The following VAMP7 variants were observed in gnomAD, a reference collection of about 807,000 sequenced individuals.
VAMP7 encodes vesicle associated membrane protein 7.
A neutral mutation model predicts 29.6 loss-of-function variants in VAMP7; 14 were observed. The ratio of observed to expected loss-of-function variants is 0.47; its 90% CI spans 0.31 to 0.74. VAMP7 has a LOEUF of 0.74. Ranked by LOEUF, VAMP7 falls within the 30% of genes least tolerant of loss-of-function variation. VAMP7 has a pLI of 0.05. For synonymous variants in VAMP7, 95 were observed against 88.1 expected, an observed-to-expected ratio of 1.08 and a Z score of -0.44; for missense variants, 223 against 262.4, an observed-to-expected ratio of 0.85 and a Z score of 1.04.
chrX:155,905,077 C>G (rs1390094712), intron 5 of VAMP7, among the ~76,000 whole-genome samples: 1 of 151,814 alleles, frequency 6.6e-6, no homozygotes, highest in Non-Finnish European at 1.5e-5. Context: ...TCCTCCACAT[C>G]CTTGCCAAAA....
At chrX:155,895,184 A>G (rs1025723012) in intron 2 of VAMP7, among the ~76,000 whole-genome samples, 4 of 152,198 alleles carry the variant, frequency 2.6e-5, no homozygotes, top group African/African-American at 9.6e-5. Context: ...AGCATCCAGC[A>G]CAGTAACTAA....
chrX:155,930,719 T>A (rs187225562), intron 6 of VAMP7, among the ~76,000 whole-genome samples: 2,779 of 151,062 alleles, frequency 0.018, 143 homozygotes, highest in Non-Finnish European at 8.5e-3. Context: ...ATATATATAT[T>A]TTTTATTATA....
chrX:155,935,921 C>G (rs1462506631), intron 6 of VAMP7, among the ~76,000 whole-genome samples: 3 of 152,220 alleles, frequency 2.0e-5, no homozygotes, highest in Admixed American at 6.5e-5. Flanking sequence ...TTCTAACAGT[C>G]AGGACCCTCA....
At chrX:155,941,826 T>A in intron 7 of VAMP7, 57 bp from the exon 8 acceptor site, 9 of 1,548,478 alleles carry the variant, frequency 5.8e-6, no homozygotes, top group Non-Finnish European at 7.9e-6. Flanking sequence ...CTATATATAT[T>A]ATTTAGAATA....
chrX:155,894,584 C>T (rs1222075120), intron 2 of VAMP7, among the ~76,000 whole-genome samples: 6 of 151,856 alleles, frequency 4.0e-5, no homozygotes, highest in Admixed American at 6.6e-5. Flanking sequence ...CTTGCTGCTT[C>T]CTCTCTGGAA....
intron 5 of VAMP7, among the ~76,000 whole-genome samples, chrX:155,916,601 T>A (rs1307644504): frequency 6.6e-6 from 1 of 152,204 alleles, no homozygotes; most frequent in Non-Finnish European, 1.5e-5. Flanking sequence ...ATTTTATTTC[T>A]CCTTCACTTA....
chrX:155,936,118 T>C (rs1437926362), intron 6 of VAMP7, among the ~76,000 whole-genome samples: 3 of 151,958 alleles, frequency 2.0e-5, no homozygotes, highest in Non-Finnish European at 4.4e-5. Context: ...TACTGGGGGG[T>C]ACCTCCCAGT....
chrX:155,881,812 T>C (rs1257435570), intron 1 of VAMP7, among the ~76,000 whole-genome samples: 1 of 152,180 alleles, frequency 6.6e-6, no homozygotes, highest in Non-Finnish European at 1.5e-5. Context: ...GACGTCACTT[T>C]CTGCTTCACC....
rs7064950 is a variant in VAMP7, at chrX:155,937,533, A to G, written c.502-2168A>G. On this transcript the variant is annotated intron_variant, in intron 6 of 7. Coordinates refer to ENST00000286448, the MANE Select transcript of VAMP7 (RefSeq NM_005638.6). ...GAATATCACATTGTATACCTTGAAT[A>G]TATACCATTTTTATTTGCCAATTAT... Among the ~76,000 whole-genome samples the G allele has an allele frequency of 5.1e-4, 78 of 152,322 alleles. 1 individual carries two copies. Among genetic ancestry groups the G allele is most frequent in the African/African-American group, 1.5e-3 (62 of 41,588 alleles).
intron 5 of VAMP7, among the ~76,000 whole-genome samples, chrX:155,912,414 G>A (rs1410195143): frequency 6.6e-5 from 10 of 151,994 alleles, no homozygotes; most frequent in Admixed American, 6.6e-4. Flanking sequence ...AGAATGTGCA[G>A]CTTTGTTACA....
intron 5 of VAMP7, among the ~76,000 whole-genome samples, chrX:155,918,400 G>T (rs757981509): frequency 6.6e-6 from 1 of 152,034 alleles, no homozygotes; most frequent in Non-Finnish European, 1.5e-5. Flanking sequence ...CCAAATGGCC[G>T]CCCAGTTTTG....
intron 1 of VAMP7, among the ~76,000 whole-genome samples, chrX:155,882,681 G>GA (rs1300226143): frequency 6.6e-6 from 1 of 152,198 alleles, no homozygotes; most frequent in Non-Finnish European, 1.5e-5. Context: ...TACTTAGAAA[G>GA]ATAGTTTGGT....
rs746596132 is a variant in VAMP7 at position 155,918,168 on chromosome X, C to T, written c.434-1645C>T. On this transcript the variant is annotated intron_variant, in intron 5 of 7. Coordinates refer to ENST00000286448, the MANE Select transcript of VAMP7 (RefSeq NM_005638.6). ...CAGACGCCCCTCCCTCCACCAAGCT[C>T]GAGTGTCCCAGGTCGACTTCAGACT... is the stretch of plus-strand genomic sequence containing the variant. Among the ~76,000 whole-genome samples the T allele has an allele frequency of 9.2e-5, 14 of 152,206 alleles. 1 individual carries two copies. Among genetic ancestry groups the T allele is most frequent in the Middle Eastern group, 6.8e-3 (2 of 294 alleles).
At chrX:155,909,851 C>T (rs893949203) in intron 5 of VAMP7, among the ~76,000 whole-genome samples, 1 of 151,748 alleles carries the variant, frequency 6.6e-6, no homozygotes, top group African/African-American at 2.4e-5. Context: ...TTATGGGGTA[C>T]GTGTGATATT....
At chrX:155,897,758 A>G (rs981317930) in intron 3 of VAMP7, among the ~76,000 whole-genome samples, 1 of 152,150 alleles carries the variant, frequency 6.6e-6, no homozygotes, top group Non-Finnish European at 1.5e-5. Flanking sequence ...GATTTATTAA[A>G]CATATTCTTG....
intron 5 of VAMP7, among the ~76,000 whole-genome samples, chrX:155,913,609 A>G (rs4893056): frequency 0.62 from 93,682 of 151,890 alleles, 29,060 homozygotes; most frequent in African/African-American, 0.68. Flanking sequence ...AGTTTTCCCA[A>G]CACCATTTAT....
At position 155,895,489 on chromosome X, in the gene VAMP7, A is replaced by T. The variant is rs2124256466; in HGVS notation, c.147-134A>T. On this transcript the variant is annotated intron_variant, in intron 2 of 7. Transcript: ENST00000286448. ...AAACAGGTATATTGGGAAGGGGAAGAGGGAGAAGAGACTGTATCCGTAAGT... is the reference window on the plus strand; with the variant it reads ...AAACAGGTATATTGGGAAGGGGAAGTGGGAGAAGAGACTGTATCCGTAAGT... 3 of 604,466 alleles carry T rather than the reference A, an allele frequency of 5.0e-6. No individual in the cohort carries two copies. The East Asian group carries it at 8.2e-5, about 17-fold the overall frequency. 37.4% of individuals were successfully genotyped at this position (604,466 alleles called of 1,614,324 possible).
At chrX:155,923,268 A>T (rs1420932600) in intron 6 of VAMP7, among the ~76,000 whole-genome samples, 1 of 151,874 alleles carries the variant, frequency 6.6e-6, no homozygotes, top group African/African-American at 2.4e-5. Context: ...AGTGCTCTTA[A>T]TTCTTTTGTG....
chrX:155,933,250 A>G (rs1427450415), intron 6 of VAMP7, among the ~76,000 whole-genome samples: 2 of 152,258 alleles, frequency 1.3e-5, no homozygotes, highest in East Asian at 1.9e-4. Flanking sequence ...CTCATTTTCT[A>G]TTGATAGGAA....
Sources: allele counts gnomAD v4.1 joint callset (sites outside exome capture counted in the v4.1 genomes callset), GRCh38; gene constraint gnomAD v4.1.1; transcripts MANE v1.5; gene names NCBI Gene and HGNC (gene_info 2026-07-23, HGNC 2026-07-21).